Variants in RAB2A observed in about 807,000 individuals in gnomAD.
The protein encoded by RAB2A is RAB2A, member RAS oncogene family.
In RAB2A, 7 loss-of-function variants were observed where a neutral mutation model predicts 32.5. That is an observed-to-expected ratio of 0.22 (90% CI 0.12 to 0.40). The LOEUF (loss-of-function observed/expected upper bound fraction) is 0.40. Among genes scored for constraint, RAB2A ranks in the 10% least tolerant of loss-of-function variants. RAB2A has a pLI of 1.00. For synonymous variants in RAB2A, 79 were observed against 85.2 expected, an observed-to-expected ratio of 0.93 and a Z score of 0.40; for missense variants, 108 against 260.7, an observed-to-expected ratio of 0.41 and a Z score of 4.03.
chr8:60,576,525 A>G (rs1213555201), intron 3 of RAB2A, among the ~76,000 whole-genome samples: 3 of 152,328 alleles, frequency 2.0e-5, no homozygotes, highest in Admixed American at 6.5e-5. Context: ...TACATGTCTT[A>G]TATCAAGTAA....
At chr8:60,517,843 C>G (rs73257475) in intron 1 of RAB2A, among the ~76,000 whole-genome samples, 11,529 of 152,136 alleles carry the variant, frequency 0.076, 1,192 homozygotes, top group African/African-American at 0.23. Flanking sequence ...ACCTTCAACT[C>G]TCACGTCAGA....
rs974036906 is a variant in RAB2A, at chr8:60,622,223, G to A, written c.*1454G>A. 6.6e-6 allele frequency: 1 copy of A among 152,152 alleles called. No individual in the cohort carries two copies. The highest frequency in any genetic ancestry group is 1.9e-4 in the East Asian group (1 of 5,202). 9.4% of individuals were successfully genotyped at this position (152,152 alleles called of 1,614,324 possible). A position where few individuals can be genotyped will look rare whatever the true frequency, so the allele number is the denominator to read the frequency against. On this transcript the variant is annotated 3_prime_UTR_variant, in exon 8 of 8. Transcript: ENST00000262646. ...TGTTTTCTCCTGAACTAGCACAAAA[G>A]CACTTATGCCTGAAAGAAAGCATAA...
rs566678481 is a variant in RAB2A at position 60,530,993 on chromosome 8, C to A, written c.46+13740C>A. On this transcript the variant is annotated intron_variant, in intron 1 of 7. Coordinates refer to ENST00000262646, the MANE Select transcript of RAB2A (RefSeq NM_002865.3). ...ATTTAAATTCTGAAATTTTCTGTTT[C>A]TAAAACAGGTATAGTACCTGCCTAG... 5.9e-5 allele frequency among the ~76,000 whole-genome samples: 9 copies of A among 152,356 alleles called. 1 individual carries two copies. The South Asian group carries it at 1.9e-3, about 32-fold the overall frequency.
At chr8:60,592,391 A>G (rs546160053) in intron 6 of RAB2A, among the ~76,000 whole-genome samples, 36 of 152,292 alleles carry the variant, frequency 2.4e-4, no homozygotes, top group African/African-American at 8.2e-4. Flanking sequence ...TTCGTGTTGC[A>G]TGGTAGGGAA....
chr8:60,584,140 A>G (rs534803181), intron 3 of RAB2A, 68 bp from the exon 4 acceptor site: 5 of 1,243,984 alleles, frequency 4.0e-6, no homozygotes, highest in Admixed American at 3.4e-5. Context: ...TATTCTGTAT[A>G]TGAATAATAT....
Position 60,619,328 on chromosome 8 carries a change from G to C in RAB2A, c.543+680G>C, listed in dbSNP as rs180776359. Among the ~76,000 whole-genome samples, 3 of 152,266 alleles carry C rather than the reference G, an allele frequency of 2.0e-5. No individual in the cohort carries two copies. In the East Asian group the frequency reaches 5.8e-4, roughly 29 times the overall value. Reference sequence around the variant, plus strand: ...TCTGTATTTATTTCAAAATGTTTATGTGGATGTAGCCTACTTATTCTTACA... The same window carrying C: ...TCTGTATTTATTTCAAAATGTTTATCTGGATGTAGCCTACTTATTCTTACA... On this transcript the variant is annotated intron_variant, in intron 7 of 7. Transcript: ENST00000262646.
chr8:60,526,017 G>GCACATATATATATATATATATATA (rs879271913), intron 1 of RAB2A, among the ~76,000 whole-genome samples: 4 of 74,218 alleles, frequency 5.4e-5, no homozygotes, highest in Non-Finnish European at 7.8e-5. Flanking sequence ...ATGTGTGTGT[G>GCACATATATATATATATATATATA]TACATATATA....
intron 2 of RAB2A, among the ~76,000 whole-genome samples, chr8:60,561,148 T>C (rs900424391): frequency 2.0e-5 from 3 of 152,224 alleles, no homozygotes; most frequent in Non-Finnish European, 4.4e-5. Flanking sequence ...TGGTAGCAGC[T>C]TCCTGCTGTT....
intron 1 of RAB2A, among the ~76,000 whole-genome samples, chr8:60,537,761 G>A (rs1807579946): frequency 1.3e-5 from 2 of 152,124 alleles, no homozygotes; most frequent in African/African-American, 4.8e-5. Flanking sequence ...GCTCACTGCA[G>A]CCTTGACCTC....
chr8:60,618,001 C>G (rs1563488802), intron 6 of RAB2A, among the ~76,000 whole-genome samples: 2 of 152,210 alleles, frequency 1.3e-5, no homozygotes, highest in Non-Finnish European at 2.9e-5. Flanking sequence ...TGCCTTCTTT[C>G]ATTTAGCACA....
intron 6 of RAB2A, among the ~76,000 whole-genome samples, chr8:60,611,090 A>G (rs563111106): frequency 1.3e-5 from 2 of 152,280 alleles, no homozygotes; most frequent in Admixed American, 6.5e-5. Context: ...TTTCTTCACA[A>G]CAGATATTAG....
chr8:60,565,434 AG>A (rs1376936275), intron 2 of RAB2A, among the ~76,000 whole-genome samples: 49 of 149,084 alleles, frequency 3.3e-4, no homozygotes, highest in Non-Finnish European at 1.0e-4. Flanking sequence ...AAAAAAAAAA[AG>A]AAAGAAGTAA....
chr8:60,568,612 A>T (rs1808151164), intron 2 of RAB2A, among the ~76,000 whole-genome samples: 1 of 152,216 alleles, frequency 6.6e-6, no homozygotes, highest in Non-Finnish European at 1.5e-5. Context: ...AACCAAGTAG[A>T]TATTGATTAT....
intron 3 of RAB2A, among the ~76,000 whole-genome samples, chr8:60,583,768 T>TA (rs1803803803): frequency 6.6e-6 from 1 of 152,228 alleles, no homozygotes; most frequent in African/African-American, 2.4e-5. Flanking sequence ...ATGGGTTTTA[T>TA]TTATTCTAGT....
At chr8:60,516,980 G>T (rs377019145), upstream of RAB2A, 2 of 429,476 alleles carry the variant, frequency 4.7e-6, 1 homozygote, top group African/African-American at 4.1e-5. Context: ...GCGCCGCGGC[G>T]GCTGTTATTG....
At chr8:60,549,060 C>G (rs1303283280) in intron 1 of RAB2A, among the ~76,000 whole-genome samples, 1 of 151,266 alleles carries the variant, frequency 6.6e-6, no homozygotes, top group African/African-American at 2.4e-5. Flanking sequence ...GGCAGAGACG[C>G]TCCTCACTTC....
intron 1 of RAB2A, among the ~76,000 whole-genome samples, chr8:60,541,393 G>A (rs779124872): frequency 6.6e-6 from 1 of 152,098 alleles, no homozygotes; most frequent in Non-Finnish European, 1.5e-5. Flanking sequence ...GAACTTTAAG[G>A]GAGTTAAAGG....
At chr8:60,545,950 C>T (rs1807720926) in intron 1 of RAB2A, among the ~76,000 whole-genome samples, 1 of 152,166 alleles carries the variant, frequency 6.6e-6, no homozygotes, top group African/African-American at 2.4e-5. Context: ...ACTAGCTCAA[C>T]AGATCATTCT....
chr8:60,577,236 A>T (rs575633138), intron 3 of RAB2A, among the ~76,000 whole-genome samples: 3 of 151,490 alleles, frequency 2.0e-5, no homozygotes, highest in Admixed American at 2.0e-4. Flanking sequence ...TTTTGTAGAG[A>T]TGGGATTTTG....
Sources: gnomAD v4.1 joint callset for allele counts (sites outside exome capture counted in the v4.1 genomes callset) on GRCh38, gnomAD v4.1.1 for gene constraint, MANE v1.5 for transcripts, NCBI Gene and HGNC (gene_info 2026-07-23, HGNC 2026-07-21) for gene names.